Variants in CLASP1 observed in about 807,000 individuals in gnomAD.
The protein encoded by CLASP1 is CLIP-associating protein 1.
Under a neutral mutation model 192.3 loss-of-function variants are expected in CLASP1, and 38 were observed. The observed-to-expected ratio is 0.20, with a 90% confidence interval of 0.15 to 0.26. The LOEUF is 0.26. Among genes scored for constraint, CLASP1 ranks in the 10% least tolerant of loss-of-function variants. The pLI, the probability that CLASP1 is intolerant of heterozygous loss-of-function variation, is 1.00. For missense variants in CLASP1, 1,433 were observed against 1,932.5 expected (o/e 0.74, Z 4.85); for synonymous variants, 691 against 712.8 (o/e 0.97, Z 0.49).
intron 26 of CLASP1, chr2:121,403,923 C>A: frequency 4.7e-6 from 2 of 425,062 alleles, no homozygotes; most frequent in South Asian, 3.4e-5. Context: ...TCAATAAATC[C>A]ATTACATATT....
At chr2:121,462,394 G>C (rs1327783355) in intron 10 of CLASP1, 138 bp downstream of exon 10, 1 of 535,558 alleles carries the variant, frequency 1.9e-6, no homozygotes, top group Non-Finnish European at 3.4e-6. Flanking sequence ...TTTCTGGTCT[G>C]CACCTCAGAT....
intron 20 of CLASP1, 56 bp from the exon 21 acceptor site, chr2:121,427,486 CA>C: frequency 6.3e-7 from 1 of 1,582,262 alleles, no homozygotes; most frequent in Non-Finnish European, 8.7e-7. Flanking sequence ...AAGACAATAA[CA>C]CAATACAGAA....
rs146884460 is a variant in CLASP1 at position 121,401,129 on chromosome 2, C to T, written c.2900+380G>A. ...ACCAATGGAAACTCTACATCATACA[C>T]CGATAGAAAAATTTCTAGTAAGACT... On this transcript the variant is annotated intron_variant, in intron 28 of 39. Coordinates refer to ENST00000263710, the Ensembl canonical transcript of CLASP1. Among the ~76,000 whole-genome samples the T allele has an allele frequency of 2.1e-3, 316 of 152,186 alleles. 1 individual carries two copies. The highest frequency in any genetic ancestry group is 7.3e-3 in the African/African-American group (303 of 41,514).
intron 14 of CLASP1, among the ~76,000 whole-genome samples, chr2:121,457,299 G>A (rs1261497395): frequency 2.0e-5 from 3 of 152,074 alleles, no homozygotes; most frequent in Non-Finnish European, 4.4e-5. Context: ...TGATGTTTAC[G>A]GTATTTTTTT....
intron 23 of CLASP1, 78 bp downstream of exon 23, chr2:121,418,544 G>T (rs1261547819): frequency 1.0e-6 from 1 of 974,510 alleles, no homozygotes; most frequent in East Asian, 2.4e-5. Context: ...GGAAAAGCAG[G>T]TCATTCCGCC....
chr2:121,494,535 T>C (rs2093448172), intron 8 of CLASP1, among the ~76,000 whole-genome samples: 14 of 152,164 alleles, frequency 9.2e-5, no homozygotes, highest in Admixed American at 9.2e-4. Flanking sequence ...TAGTATTTGA[T>C]AGCACAACAG....
chr2:121,404,502 T>C, intron 25 of CLASP1, 68 bp from the exon 27 acceptor site: 1 of 1,376,650 alleles, frequency 7.3e-7, no homozygotes, highest in South Asian at 1.3e-5. Flanking sequence ...GGTCTCACTC[T>C]ATTACCCAGG....
At chr2:121,416,991 T>C (rs538283317) in intron 23 of CLASP1, among the ~76,000 whole-genome samples, 1 of 152,312 alleles carries the variant, frequency 6.6e-6, no homozygotes, top group South Asian at 2.1e-4. Flanking sequence ...GGGAAAAGCA[T>C]GATACAAAAA....
chr2:121,498,234 C>T (rs775446699), intron 8 of CLASP1, among the ~76,000 whole-genome samples: 57 of 132,996 alleles, frequency 4.3e-4, no homozygotes, highest in Non-Finnish European at 7.5e-4. Flanking sequence ...GACGGAGTCT[C>T]ACGACCAGGC....
Position 121,401,691 on chromosome 2 carries a change from C to T in CLASP1, c.2737-19G>A. 6.3e-7 allele frequency: 1 copy of T among 1,596,798 alleles called. No individual in the cohort carries two copies. The highest frequency in any genetic ancestry group is 8.6e-7 in the Non-Finnish European group (1 of 1,169,470). On this transcript the variant is annotated intron_variant, in intron 27 of 39. Transcript: ENST00000263710. ...TGAAAACCTAGACACAAATGAAAAC[C>T]AAGTAGTTCACATATTGAATTCACG...
chr2:121,455,506 C>T (rs1014586890), intron 14 of CLASP1, among the ~76,000 whole-genome samples: 4 of 152,146 alleles, frequency 2.6e-5, no homozygotes, highest in Admixed American at 6.5e-5. Context: ...TTTAAGACAA[C>T]ACAGATAAAC....
At chr2:121,468,970 T>C (rs2090169600) in intron 9 of CLASP1, among the ~76,000 whole-genome samples, 1 of 152,192 alleles carries the variant, frequency 6.6e-6, no homozygotes, top group Non-Finnish European at 1.5e-5. Flanking sequence ...GTTGATTCTT[T>C]CTCATCTTTG....
intron 1 of CLASP1, among the ~76,000 whole-genome samples, chr2:121,611,005 G>A (rs945258953): frequency 2.0e-5 from 3 of 147,320 alleles, no homozygotes; most frequent in African/African-American, 7.6e-5. Context: ...GGAGGAGTTG[G>A]AGGAGTTACA....
At chr2:121,461,005 T>G in intron 11 of CLASP1, 96 bp downstream of exon 11, 1 of 733,522 alleles carries the variant, frequency 1.4e-6, no homozygotes, top group Non-Finnish European at 2.3e-6. Flanking sequence ...ATGTACTATT[T>G]AGAATTCATT....
intron 7 of CLASP1, among the ~76,000 whole-genome samples, chr2:121,504,363 T>A (rs2093871898): frequency 6.6e-6 from 1 of 152,216 alleles, no homozygotes; most frequent in Non-Finnish European, 1.5e-5. Context: ...CACCATCCTA[T>A]CCTGCCAGCT....
chr2:121,440,760 A>C (rs2149723477), intron 19 of CLASP1, among the ~76,000 whole-genome samples: 1 of 152,232 alleles, frequency 6.6e-6, no homozygotes, highest in South Asian at 2.1e-4. Context: ...ATAATCTATT[A>C]AGTGACAGAG....
intron 23 of CLASP1, among the ~76,000 whole-genome samples, chr2:121,417,886 T>C (rs754728325): frequency 1.3e-5 from 2 of 152,256 alleles, no homozygotes; most frequent in African/African-American, 4.8e-5. Context: ...ATTAACAGAC[T>C]GCTGGAGTCC....
intron 2 of CLASP1, among the ~76,000 whole-genome samples, chr2:121,563,538 C>T (rs1297385737): frequency 4.6e-5 from 7 of 152,128 alleles, no homozygotes; most frequent in Non-Finnish European, 1.0e-4. Flanking sequence ...AAAAAATATG[C>T]TAACTTGTTC....
Position 121,432,487 on chromosome 2 carries a change from C to G in CLASP1, c.1913-2310G>C, listed in dbSNP as rs1390316269. Among the ~76,000 whole-genome samples the G allele has an allele frequency of 6.6e-5, 10 of 152,252 alleles. No homozygotes were observed. In the East Asian group the frequency reaches 1.9e-3, roughly 29 times the overall value. On this transcript the variant is annotated intron_variant, in intron 19 of 39. Transcript: ENST00000263710. ...CAAGTAAATTCGCCTTTTCCTAAGC[C>G]CTTTGCTGTCTTCCATATGTATGTG...
Sources: allele counts gnomAD v4.1 joint callset (sites outside exome capture counted in the v4.1 genomes callset), GRCh38; gene constraint gnomAD v4.1.1; transcripts MANE v1.5; gene names NCBI Gene and HGNC (gene_info 2026-07-23, HGNC 2026-07-21).